The following TNFRSF19 variants were observed in gnomAD, a reference collection of about 807,000 sequenced individuals.
TNFRSF19 encodes tumor necrosis factor receptor superfamily member 19.
In TNFRSF19, 27 loss-of-function variants were observed where a neutral mutation model predicts 46.4. The ratio of observed to expected loss-of-function variants is 0.58; its 90% CI spans 0.43 to 0.80. The LOEUF is 0.80. Ranked by LOEUF, TNFRSF19 falls within the 30% of genes least tolerant of loss-of-function variation. TNFRSF19 has a pLI of 0.00. For synonymous variants in TNFRSF19, 204 were observed against 205.0 expected, an observed-to-expected ratio of 1.00 and a Z score of 0.04; for missense variants, 511 against 530.8, an observed-to-expected ratio of 0.96 and a Z score of 0.37.
intron 3 of TNFRSF19, among the ~76,000 whole-genome samples, chr13:23,599,619 T>C (rs1879986055): frequency 6.6e-6 from 1 of 152,050 alleles, no homozygotes; most frequent in African/African-American, 2.4e-5. Context: ...CTGGAGTCAA[T>C]AGAAAGGAAT....
intron 5 of TNFRSF19, among the ~76,000 whole-genome samples, chr13:23,651,872 G>T (rs1350975959): frequency 1.5e-4 from 7 of 47,064 alleles, no homozygotes; most frequent in Admixed American, 3.0e-4. Context: ...ACTCTAAATG[G>T]TTGGAAAGAA....
intron 5 of TNFRSF19, among the ~76,000 whole-genome samples, chr13:23,657,301 G>C (rs887624174): frequency 1.3e-5 from 2 of 152,156 alleles, no homozygotes; most frequent in Non-Finnish European, 2.9e-5. Context: ...GTTTCTCTCT[G>C]GGGCTGTAGT....
chr13:23,632,031 G>T (rs183563831), intron 5 of TNFRSF19, among the ~76,000 whole-genome samples: 1 of 152,318 alleles, frequency 6.6e-6, no homozygotes, highest in Non-Finnish European at 1.5e-5. Context: ...TTTTGTTTCT[G>T]CAGTGGAGTT....
chr13:23,659,450 C>T lies in TNFRSF19; in HGVS notation c.610+236C>T, dbSNP rs181687182. 1.7e-4 allele frequency among the ~76,000 whole-genome samples: 26 copies of T among 152,246 alleles called. No homozygotes were observed. The East Asian group carries it at 4.4e-3, about 26-fold the overall frequency. On this transcript the variant is annotated intron_variant, in intron 6 of 9. Coordinates refer to ENST00000248484, the MANE Select transcript of TNFRSF19 (RefSeq NM_148957.4). This position sits in a 1 kb window ranked among gnomAD's most constrained non-coding sequence, Gnocchi z 4.9. ...TTAACTACTAATAGCCTATTGTTGA[C>T]GGGAAGCCTTACTGATAAACAGTTG...
At chr13:23,662,834 G>A (rs1180274781) in intron 7 of TNFRSF19, among the ~76,000 whole-genome samples, 1 of 152,166 alleles carries the variant, frequency 6.6e-6, no homozygotes, top group Non-Finnish European at 1.5e-5. Context: ...TGTTGGTGTA[G>A]AAGAATACTA....
intron 7 of TNFRSF19, among the ~76,000 whole-genome samples, chr13:23,665,329 A>G (rs1951608366): frequency 6.6e-6 from 1 of 152,214 alleles, no homozygotes; most frequent in African/African-American, 2.4e-5. Flanking sequence ...TCAGTCTGAA[A>G]TGAAAGATTA....
chr13:23,571,054 CAAGAGGG>C, intron 1 of TNFRSF19, among the ~76,000 whole-genome samples: 1 of 152,236 alleles, frequency 6.6e-6, no homozygotes, highest in East Asian at 1.9e-4. Flanking sequence ...GTAGTTTGTA[CAAGAGGG>C]TTTGCAGTCT....
chr13:23,636,584 C>T (rs1882700053), intron 5 of TNFRSF19, among the ~76,000 whole-genome samples: 1 of 152,170 alleles, frequency 6.6e-6, no homozygotes, highest in Non-Finnish European at 1.5e-5. Context: ...TCCGATGCTG[C>T]AGGGCAGAGC....
intron 3 of TNFRSF19, 68 bp from the exon 4 acceptor site, chr13:23,615,799 C>T: frequency 6.9e-7 from 1 of 1,457,880 alleles, no homozygotes; most frequent in South Asian, 1.5e-5. Context: ...TTCGTTTCAT[C>T]CTAGCGGTCT....
chr13:23,581,556 A>G (rs1216366259), intron 1 of TNFRSF19, among the ~76,000 whole-genome samples: 1 of 152,108 alleles, frequency 6.6e-6, no homozygotes, highest in Non-Finnish European at 1.5e-5. Flanking sequence ...TTAACTTCAG[A>G]TGATAATAGG....
At chr13:23,575,813 G>T (rs1340788722) in intron 1 of TNFRSF19, among the ~76,000 whole-genome samples, 1 of 152,116 alleles carries the variant, frequency 6.6e-6, no homozygotes, top group Non-Finnish European at 1.5e-5. Flanking sequence ...CATTAGCTTT[G>T]CTACCAGCGA....
In TNFRSF19 at chr13:23,608,166, C is replaced by T. The variant is rs117499073; in HGVS notation, c.181-7701C>T. ...GTCTGCACAGCAGCTCCAGGTCCAC[C>T]GATACTGTTGCTGACTTAGATTGAT... On this transcript the variant is annotated intron_variant, in intron 3 of 9. Coordinates refer to ENST00000248484, the MANE Select transcript of TNFRSF19 (RefSeq NM_148957.4). Among the ~76,000 whole-genome samples the T allele has an allele frequency of 2.2e-4, 34 of 152,246 alleles. 2 individuals carry two copies. In the East Asian group the frequency reaches 6.4e-3, roughly 28 times the overall value.
chr13:23,580,198 G>A (rs996883779), intron 1 of TNFRSF19, among the ~76,000 whole-genome samples: 20 of 152,182 alleles, frequency 1.3e-4, no homozygotes, highest in African/African-American at 4.8e-4. Flanking sequence ...AAAATTCTGT[G>A]ATCTGTTTTG....
Position 23,674,391 on chromosome 13 carries a change from T to A in TNFRSF19, c.*1011T>A, listed in dbSNP as rs1423793378. 6.6e-6 allele frequency: 1 copy of A among 152,196 alleles called. No homozygotes were observed. The highest frequency in any genetic ancestry group is 1.5e-5 in the Non-Finnish European group (1 of 68,038). 9.4% of individuals were successfully genotyped at this position (152,196 alleles called of 1,614,324 possible). A position where few individuals can be genotyped will look rare whatever the true frequency, so the allele number is the denominator to read the frequency against. On this transcript the variant is annotated 3_prime_UTR_variant, in exon 10 of 10. Coordinates refer to ENST00000248484, the MANE Select transcript of TNFRSF19 (RefSeq NM_148957.4). ...TTAGGACTAGAAGAAAATGCACAATTTGTAGGGGTTTGGATGAAGCAGCTG... is the reference window on the plus strand; with the variant it reads ...TTAGGACTAGAAGAAAATGCACAATATGTAGGGGTTTGGATGAAGCAGCTG...
intron 3 of TNFRSF19, among the ~76,000 whole-genome samples, chr13:23,596,582 AG>A (rs1879745447): frequency 6.6e-6 from 1 of 152,190 alleles, no homozygotes. Flanking sequence ...CCAATACAGG[AG>A]CACCCAGATT....
At chr13:23,636,719 G>A (rs1294829475) in intron 5 of TNFRSF19, among the ~76,000 whole-genome samples, 1 of 152,182 alleles carries the variant, frequency 6.6e-6, no homozygotes, top group East Asian at 1.9e-4. Flanking sequence ...GTCGATAGGT[G>A]CATCACGTAG....
At chr13:23,651,176 CTTTTA>C (rs1206977893) in intron 5 of TNFRSF19, among the ~76,000 whole-genome samples, 1 of 152,236 alleles carries the variant, frequency 6.6e-6, no homozygotes, top group South Asian at 2.1e-4. Flanking sequence ...TTTTGTTAAA[CTTTTA>C]TTTGATTTGG....
chr13:23,671,513 A>T (rs1039413829), intron 9 of TNFRSF19, among the ~76,000 whole-genome samples: 9 of 152,116 alleles, frequency 5.9e-5, no homozygotes, highest in African/African-American at 2.2e-4. Context: ...GCTGGAAAAA[A>T]AAAAAACTTT....
At chr13:23,582,151 C>T (rs1279334474) in intron 1 of TNFRSF19, among the ~76,000 whole-genome samples, 1 of 142,242 alleles carries the variant, frequency 7.0e-6, no homozygotes, top group African/African-American at 2.6e-5. Context: ...GAGGCCGAGG[C>T]GGGCGGATCA....
Sources: allele counts gnomAD v4.1 joint callset (sites outside exome capture counted in the v4.1 genomes callset), GRCh38; gene constraint gnomAD v4.1.1; non-coding constraint Gnocchi (gnomAD v3.1); transcripts MANE v1.5; gene names NCBI Gene and HGNC (gene_info 2026-07-23, HGNC 2026-07-21).